The following UTS2B variants were observed in gnomAD, a reference collection of about 807,000 sequenced individuals.
UTS2B encodes the protein urotensin-2B.
Under a neutral mutation model 19.2 loss-of-function variants are expected in UTS2B, and 21 were observed. That is an observed-to-expected ratio of 1.09 (90% CI 0.78 to 1.58). The LOEUF is 1.58. Among genes scored for constraint, UTS2B ranks in the 40% most tolerant of loss-of-function variants. UTS2B has a pLI of 0.00. For missense variants in UTS2B, 138 were observed against 130.3 expected, an observed-to-expected ratio of 1.06 and a Z score of -0.29; for synonymous variants, 57 against 50.2, an observed-to-expected ratio of 1.14 and a Z score of -0.58.
chr3:191,288,511 A>G (rs972914404), intron 4 of UTS2B, among the ~76,000 whole-genome samples: 2 of 152,202 alleles, frequency 1.3e-5, no homozygotes, highest in African/African-American at 4.8e-5. Flanking sequence ...TGCCAAGAAC[A>G]TACCACAGGG....
At chr3:191,335,665 C>G in the UTS2B span, among the ~76,000 whole-genome samples, 1 of 151,848 alleles carries the variant, frequency 6.6e-6, no homozygotes, top group Non-Finnish European at 1.5e-5. Context: ...AGTTTTTAGC[C>G]TACATTGAGA....
At chr3:191,315,025 T>C (rs1249871666) in intron 3 of UTS2B, among the ~76,000 whole-genome samples, 1 of 151,922 alleles carries the variant, frequency 6.6e-6, no homozygotes, top group Non-Finnish European at 1.5e-5. Context: ...TTTTTTTTTT[T>C]TTTTGAGATG....
intron 3 of UTS2B, among the ~76,000 whole-genome samples, chr3:191,312,375 T>C (rs1576931918): frequency 6.6e-6 from 1 of 152,148 alleles, no homozygotes; most frequent in Non-Finnish European, 1.5e-5. Flanking sequence ...AGTGAGGTTA[T>C]TACATGGTCT....
chr3:191,275,536 T>C (rs545728026), intron 7 of UTS2B, among the ~76,000 whole-genome samples, 191 bp from the exon 8 acceptor site: 14 of 151,878 alleles, frequency 9.2e-5, no homozygotes, highest in South Asian at 6.2e-4. Flanking sequence ...AAAAATTAGC[T>C]GGGCGTGGTA....
chr3:191,312,575 C>T (rs1030498886), intron 3 of UTS2B, among the ~76,000 whole-genome samples: 2 of 152,194 alleles, frequency 1.3e-5, no homozygotes, highest in African/African-American at 2.4e-5. Flanking sequence ...TCAATTGCAA[C>T]AGCCACTTGA....
chr3:191,317,460 G>T (rs1465390475), intron 2 of UTS2B, among the ~76,000 whole-genome samples: 2 of 138,432 alleles, frequency 1.4e-5, no homozygotes, highest in Non-Finnish European at 3.2e-5. Context: ...CAGTGCAGCT[G>T]CGGGCGAAGG....
intron 4 of UTS2B, among the ~76,000 whole-genome samples, chr3:191,300,586 T>C (rs1716972161): frequency 6.6e-6 from 1 of 152,184 alleles, no homozygotes; most frequent in Non-Finnish European, 1.5e-5. Context: ...GTGAGAAGGA[T>C]GTGAAACGTG....
At chr3:191,313,159 T>A (rs1717350576) in intron 3 of UTS2B, among the ~76,000 whole-genome samples, 1 of 152,098 alleles carries the variant, frequency 6.6e-6, no homozygotes, top group Non-Finnish European at 1.5e-5. Context: ...CAAGCCTGGC[T>A]AATTTTTGTT....
intron 4 of UTS2B, among the ~76,000 whole-genome samples, chr3:191,286,864 C>T (rs1240340657): frequency 1.3e-5 from 2 of 150,728 alleles, no homozygotes; most frequent in Admixed American, 6.6e-5. Flanking sequence ...ATCCACAAAA[C>T]GTTAGCTTGA....
chr3:191,300,218 T>C (rs561283869), intron 4 of UTS2B, among the ~76,000 whole-genome samples: 1 of 151,660 alleles, frequency 6.6e-6, no homozygotes, highest in African/African-American at 2.4e-5. Flanking sequence ...CCTGGCTAAT[T>C]TTTGTATTTT....
intron 3 of UTS2B, among the ~76,000 whole-genome samples, chr3:191,315,013 A>ATTTT (rs796258238): frequency 0.01 from 1,486 of 143,524 alleles, 28 homozygotes; most frequent in African/African-American, 0.035. Context: ...CCACCCTAGA[A>ATTTT]TTTTTTTTTT....
At chr3:191,319,558 C>T (rs1717557037) in intron 2 of UTS2B, among the ~76,000 whole-genome samples, 1 of 151,846 alleles carries the variant, frequency 6.6e-6, no homozygotes, top group South Asian at 2.1e-4. Flanking sequence ...TTTAAAAGTC[C>T]TTTCTTAAAA....
chr3:191,271,864 C>T (rs945350079), intron 8 of UTS2B, among the ~76,000 whole-genome samples: 12 of 152,296 alleles, frequency 7.9e-5, no homozygotes, highest in African/African-American at 2.9e-4. Flanking sequence ...ACTCAATTTA[C>T]TCCTGGAAGA....
Position 191,313,114 on chromosome 3 carries a change from C to CAATT in UTS2B, c.-182+2921_-182+2922insAATT, listed in dbSNP as rs1717349283. Among the ~76,000 whole-genome samples, 2 of 151,904 alleles carry CAATT rather than the reference C, an allele frequency of 1.3e-5. 1 individual carries two copies. The highest frequency in any genetic ancestry group is 4.2e-4 in the South Asian group (2 of 4,810). ...GGTTCAAGCAATTCTCCTGCCTCAG[C>CAATT]CTCCCAAGTAGCTGGGATTACAGGC... On this transcript the variant is annotated intron_variant, in intron 3 of 8. Coordinates refer to ENST00000340524, the MANE Select transcript of UTS2B (RefSeq NM_198152.5).
chr3:191,337,152 G>A, the UTS2B span, among the ~76,000 whole-genome samples: 1 of 149,754 alleles, frequency 6.7e-6, no homozygotes, highest in African/African-American at 2.5e-5. Context: ...AATTTTTTGC[G>A]ACCTGATACT....
intron 4 of UTS2B, among the ~76,000 whole-genome samples, chr3:191,297,898 A>G (rs746278441): frequency 2.6e-5 from 4 of 152,246 alleles, no homozygotes; most frequent in Non-Finnish European, 5.9e-5. Flanking sequence ...TCAACAGGTT[A>G]AGTGTTCTTG....
chr3:191,307,912 C>CGGGTT (rs1299021633), intron 3 of UTS2B, among the ~76,000 whole-genome samples: 1 of 150,824 alleles, frequency 6.6e-6, no homozygotes, highest in Non-Finnish European at 1.5e-5. Flanking sequence ...CTCAGCTCAC[C>CGGGTT]ACAACCTCTG....
At chr3:191,323,522 G>C (rs1053540970) in intron 2 of UTS2B, among the ~76,000 whole-genome samples, 1 of 152,136 alleles carries the variant, frequency 6.6e-6, no homozygotes, top group Non-Finnish European at 1.5e-5. Context: ...AAAGAGGCTA[G>C]GGACCTTGTA....
intron 4 of UTS2B, among the ~76,000 whole-genome samples, chr3:191,283,196 AT>A (rs1295465470): frequency 6.6e-6 from 1 of 152,202 alleles, no homozygotes; most frequent in African/African-American, 2.4e-5. Flanking sequence ...TTAGTTTGAT[AT>A]TTAGGCTTGT....
Sources: allele counts gnomAD v4.1 joint callset (sites outside exome capture counted in the v4.1 genomes callset), GRCh38; gene constraint gnomAD v4.1.1; transcripts MANE v1.5; gene names NCBI Gene and HGNC (gene_info 2026-07-23, HGNC 2026-07-21).